Variants in NECTIN1 observed in about 807,000 individuals in gnomAD.
NECTIN1 encodes the protein nectin-1.
Under a neutral mutation model 48.0 loss-of-function variants are expected in NECTIN1, and 23 were observed. The observed-to-expected ratio is 0.48, with a 90% CI of 0.34 to 0.68. The LOEUF (loss-of-function observed/expected upper bound fraction) is 0.68. Among genes scored for constraint, NECTIN1 ranks in the 30% least tolerant of loss-of-function variants. The pLI, the probability that NECTIN1 is intolerant of heterozygous loss-of-function variation, is 0.01. For missense variants in NECTIN1, 591 were observed against 709.9 expected (o/e 0.83, Z 1.90); for synonymous variants, 270 against 288.9 (o/e 0.93, Z 0.66).
chr11:119,728,106 GACGGTGATT>G (rs753174995), intron 1 of NECTIN1, among the ~76,000 whole-genome samples: 20 of 152,382 alleles, frequency 1.3e-4, no homozygotes, highest in South Asian at 8.3e-4. Context: ...CCCACCCCAA[GACGGTGATT>G]ACGGTGATTA....
downstream of NECTIN1, chr11:119,660,968 G>A (rs1367840641): frequency 5.5e-5 from 53 of 955,134 alleles, no homozygotes; most frequent in Non-Finnish European, 6.2e-5. Context: ...CCATGGAGCA[G>A]GGCAGTGATG....
chr11:119,726,732 CCCA>C (rs1213704860), intron 1 of NECTIN1, among the ~76,000 whole-genome samples: 1 of 152,184 alleles, frequency 6.6e-6, no homozygotes, highest in East Asian at 1.9e-4. Flanking sequence ...CCCAACCCTT[CCCA>C]CCACCCTTTG....
At chr11:119,657,848 G>A (rs1397680621), downstream of NECTIN1, among the ~76,000 whole-genome samples, 1 of 148,402 alleles carries the variant, frequency 6.7e-6, no homozygotes, top group East Asian at 2.0e-4. Flanking sequence ...TTGAGCCCAG[G>A]AGGTCGAGGC....
At chr11:119,717,010 A>G (rs1051199236) in intron 1 of NECTIN1, among the ~76,000 whole-genome samples, 1 of 152,266 alleles carries the variant, frequency 6.6e-6, no homozygotes, top group African/African-American at 2.4e-5. Flanking sequence ...TGTGTACACA[A>G]GTGCCGAGGG....
At chr11:119,694,037 A>G (rs1332749095) in intron 1 of NECTIN1, among the ~76,000 whole-genome samples, 1 of 152,220 alleles carries the variant, frequency 6.6e-6, no homozygotes, top group Non-Finnish European at 1.5e-5. Flanking sequence ...AGTCAAAGGG[A>G]CAGGGAACTC....
rs368015331 is a variant in NECTIN1, at chr11:119,709,081, C to T, written c.79+19394G>A. Among the ~76,000 whole-genome samples the T allele has an allele frequency of 6.6e-6, 1 of 151,932 alleles. No homozygotes were observed. The highest frequency in any genetic ancestry group is 2.4e-5 in the African/African-American group (1 of 41,354). On this transcript the variant is annotated intron_variant, in intron 1 of 5. Transcript: ENST00000264025. This position sits in a 1 kb window ranked among gnomAD's most constrained non-coding sequence, Gnocchi z 4.1. ...ACGCCCGCCCACATAGCCAACATATCGCACATATCCTGCATGAGATGCCTG... is the reference window on the plus strand; with the variant it reads ...ACGCCCGCCCACATAGCCAACATATTGCACATATCCTGCATGAGATGCCTG...
chr11:119,706,255 G>A (rs1037911939), intron 1 of NECTIN1, among the ~76,000 whole-genome samples: 3 of 152,142 alleles, frequency 2.0e-5, no homozygotes, highest in Non-Finnish European at 2.9e-5. Flanking sequence ...CAACACCAGC[G>A]GACCGACAGC....
Position 119,663,019 on chromosome 11 carries a change from G to GAGGGA in NECTIN1, c.*1727_*1728insTCCCT. On this transcript the variant is annotated 3_prime_UTR_variant, in exon 6 of 6. Coordinates refer to ENST00000264025, the MANE Select transcript of NECTIN1 (RefSeq NM_002855.5). Reference sequence around the variant, plus strand: ...CAGGGGGTTCAATAGCAGCACCAGGGAGGGGAGGGGAGGGGTTGGGGGGCT... The same window carrying GAGGGA: ...CAGGGGGTTCAATAGCAGCACCAGGGAGGGAAGGGGAGGGGAGGGGTTGGGGGGCT... 1.0e-6 allele frequency: 1 copy of GAGGGA among 974,544 alleles called. No individual in the cohort carries two copies. Among genetic ancestry groups the GAGGGA allele is most frequent in the Non-Finnish European group, 1.2e-6 (1 of 822,292 alleles). 60.4% of individuals were successfully genotyped at this position (974,544 alleles called of 1,614,324 possible). A position where few individuals can be genotyped will look rare whatever the true frequency, so the allele number is the denominator to read the frequency against.
chr11:119,706,041 T>C (rs1865543173), intron 1 of NECTIN1, among the ~76,000 whole-genome samples: 1 of 152,240 alleles, frequency 6.6e-6, no homozygotes, highest in Non-Finnish European at 1.5e-5. Flanking sequence ...CTTGTTCCCC[T>C]TTATTTATGA....
chr11:119,663,535 G>T lies in NECTIN1; in HGVS notation c.*1212C>A, dbSNP rs1864705829. 3.0e-6 allele frequency: 3 copies of T among 985,544 alleles called. No individual in the cohort carries two copies. The highest frequency in any genetic ancestry group is 3.6e-6 in the Non-Finnish European group (3 of 829,978). 61.0% of individuals were successfully genotyped at this position (985,544 alleles called of 1,614,324 possible). ...CCGAGGCTTTGACAATGGCCTTTGT[G>T]TGTGAGGCATTGTATGGACTCCTCA... On this transcript the variant is annotated 3_prime_UTR_variant, in exon 6 of 6. Coordinates refer to ENST00000264025, the MANE Select transcript of NECTIN1 (RefSeq NM_002855.5).
intron 5 of NECTIN1, among the ~76,000 whole-genome samples, chr11:119,648,282 G>T: frequency 1.9e-5 from 1 of 53,930 alleles, no homozygotes; most frequent in African/African-American, 7.8e-5. Context: ...TGGTGATGGT[G>T]GTGGTGATGG....
rs142930935 is a variant in NECTIN1, at chr11:119,677,653, C to T, written c.635G>A (p.Arg212His). 695 of 1,614,028 alleles carry T rather than the reference C, an allele frequency of 4.3e-4. 2 individuals are homozygous for T. In the African/African-American group the frequency reaches 5.1e-3, roughly 12 times the overall value. ...GTGGGCTTCCCTGCTGGGCACCAGG[C>T]GGTAGCGGCTGATGACCGTCACTGT... ...NGTVTVISRY[R>H]LVPSREAHQQ... The change falls in exon 3 of 6, where the codon CGC becomes CAC. Residue 212 changes from arginine to histidine, a missense_variant. Physicochemically the swap from Arg to His is conservative, Grantham distance 29. Transcript: ENST00000264025. The surrounding 1 kb of genome is among the most constrained non-coding windows in gnomAD (Gnocchi z 5.4).
Position 119,677,968 on chromosome 11 carries a change from T to G in NECTIN1, c.431-111A>C. 1.1e-5 allele frequency: 12 copies of G among 1,052,802 alleles called. No individual in the cohort carries two copies. Among genetic ancestry groups the G allele is most frequent in the Non-Finnish European group, 1.6e-5 (11 of 698,282 alleles). 65.2% of individuals were successfully genotyped at this position (1,052,802 alleles called of 1,614,324 possible). On this transcript the variant is annotated intron_variant, in intron 2 of 5. Transcript: ENST00000264025. The surrounding 1 kb of genome is among the most constrained non-coding windows in gnomAD (Gnocchi z 5.4). ...CCTTGTCTTCAGGTCCCCTTGGCCATCCCTGCCTCTCAGCTGTGCTGCACC... is the reference window on the plus strand; with the variant it reads ...CCTTGTCTTCAGGTCCCCTTGGCCAGCCCTGCCTCTCAGCTGTGCTGCACC...
Position 119,673,854 on chromosome 11 carries a change from G to A in NECTIN1, c.1003+1305C>T, listed in dbSNP as rs377653300. Among the ~76,000 whole-genome samples, 4 of 152,224 alleles carry A rather than the reference G, an allele frequency of 2.6e-5. No homozygotes were observed. The highest frequency in any genetic ancestry group is 2.1e-4 in the South Asian group (1 of 4,826). On this transcript the variant is annotated intron_variant, in intron 5 of 5. Transcript: ENST00000264025. This position sits in a 1 kb window ranked among gnomAD's most constrained non-coding sequence, Gnocchi z 5.8. ...ACCGGCCCCTTCCACCTGCCAACCC[G>A]TGGAAACCCCCCAGCTTTCCCCAGG...
chr11:119,671,695 C>T (rs1268625430), intron 5 of NECTIN1, among the ~76,000 whole-genome samples: 1 of 152,152 alleles, frequency 6.6e-6, no homozygotes, highest in Non-Finnish European at 1.5e-5. Context: ...CAGCCAGCCA[C>T]AGGGAGAGTG....
rs747770977 is a variant in NECTIN1 at position 119,638,115 on chromosome 11, G to A, written c.1360C>T (p.Arg454Ter). Residue 454 changes from arginine (R) to a stop codon, truncating the protein, a stop_gained, in exon 8 of 8, where the codon CGA (arginine) becomes TGA (stop). Transcript: ENST00000341398. LOFTEE classifies it high-confidence loss of function. ...GTCCTGGGCTAGGGGCACTCTCCTC[G>A]AGGTTCGGTTGTCCTTACCGAGGGG... 9.3e-6 allele frequency: 15 copies of A among 1,613,154 alleles called. No individual in the cohort carries two copies. In the East Asian group the frequency reaches 1.8e-4, roughly 19 times the overall value.
In NECTIN1 at chr11:119,663,803, C is replaced by T; in HGVS notation, c.*944G>A. On this transcript the variant is annotated 3_prime_UTR_variant, in exon 6 of 6. Transcript: ENST00000264025. Reference sequence around the variant, plus strand: ...GGAGGCACCGGGGACCCAGTCTCAGCTGTCTCTGGAAGCTTCTATAGGCAG... The same window carrying T: ...GGAGGCACCGGGGACCCAGTCTCAGTTGTCTCTGGAAGCTTCTATAGGCAG... 2 of 985,548 alleles carry T rather than the reference C, an allele frequency of 2.0e-6. No individual in the cohort carries two copies. Among genetic ancestry groups the T allele is most frequent in the Non-Finnish European group, 2.4e-6 (2 of 830,010 alleles). The allele number at this position is 985,548 out of a possible 1,614,324, so 61.1% of individuals were successfully genotyped here.
At chr11:119,686,533 A>T (rs1373000320) in intron 1 of NECTIN1, among the ~76,000 whole-genome samples, 20 of 152,146 alleles carry the variant, frequency 1.3e-4, no homozygotes, top group Non-Finnish European at 2.5e-4. Context: ...AGACCCTCCC[A>T]TGGTATCCTG....
chr11:119,728,239 A>G (rs1218150027), intron 1 of NECTIN1, among the ~76,000 whole-genome samples: 1 of 152,266 alleles, frequency 6.6e-6, no homozygotes, highest in Non-Finnish European at 1.5e-5. Flanking sequence ...AACTGAGCGG[A>G]GAAAGTGCTT....
Sources: allele counts gnomAD v4.1 joint callset (sites outside exome capture counted in the v4.1 genomes callset), GRCh38; gene constraint gnomAD v4.1.1; non-coding constraint Gnocchi (gnomAD v3.1); transcripts MANE v1.5; gene names NCBI Gene and HGNC (gene_info 2026-07-23, HGNC 2026-07-21).